The following KHDRBS2 variants were observed in gnomAD, a reference collection of about 807,000 sequenced individuals.
KHDRBS2 encodes KH RNA binding domain containing, signal transduction associated 2.
In KHDRBS2, 26 loss-of-function variants were observed where a neutral mutation model predicts 44.3. The ratio of observed to expected loss-of-function variants is 0.59; its 90% CI spans 0.43 to 0.81. The LOEUF is 0.81. KHDRBS2 is among the 40% of genes least tolerant of loss of function. The probability of loss-of-function intolerance (pLI) is 0.00; values close to 1 mark genes in which losing one functional copy is unlikely to be tolerated. For synonymous variants in KHDRBS2, 194 were observed against 151.1 expected (o/e 1.28, Z -2.08); for missense variants, 476 against 433.1 (o/e 1.10, Z -0.88).
Position 61,934,651 on chromosome 6 carries a change from A to G in KHDRBS2, c.484-33280T>C, listed in dbSNP as rs77217814. Among the ~76,000 whole-genome samples the G allele has an allele frequency of 9.8e-3, 1,486 of 152,316 alleles. 12 individuals are homozygous for G. Among genetic ancestry groups the G allele is most frequent in the Middle Eastern group, 0.02 (6 of 294 alleles). On this transcript the variant is annotated intron_variant, in intron 4 of 8. Coordinates refer to ENST00000281156, the MANE Select transcript of KHDRBS2 (RefSeq NM_152688.4). The stretch of plus-strand genomic sequence containing the variant: ...TAACAGAAAAATAGTTAAGAATGTC[A>G]TAATTTACTATATTAGAAACTAAAA...
intron 4 of KHDRBS2, among the ~76,000 whole-genome samples, chr6:61,975,190 G>T (rs1292866017): frequency 6.6e-6 from 1 of 152,074 alleles, no homozygotes; most frequent in African/African-American, 2.4e-5. Context: ...AGCAGGTTGA[G>T]TAAATTCTGG....
chr6:61,739,929 G>A (rs1775909662), intron 6 of KHDRBS2, among the ~76,000 whole-genome samples: 1 of 151,906 alleles, frequency 6.6e-6, no homozygotes, highest in South Asian at 2.1e-4. Context: ...TTCATTTAAA[G>A]TTGTGTAATT....
At chr6:61,922,965 T>C (rs1808323113) in intron 4 of KHDRBS2, among the ~76,000 whole-genome samples, 1 of 152,082 alleles carries the variant, frequency 6.6e-6, no homozygotes, top group Admixed American at 6.6e-5. Context: ...AATCAGCACA[T>C]GTAAATTGAC....
intron 8 of KHDRBS2, 117 bp downstream of exon 8, chr6:61,697,078 A>T: frequency 1.3e-6 from 1 of 747,378 alleles, no homozygotes; most frequent in Admixed American, 2.1e-5. Flanking sequence ...AATTACATGA[A>T]TCAATTTAGT....
At chr6:61,987,890 A>G (rs1775356623) in intron 3 of KHDRBS2, among the ~76,000 whole-genome samples, 1 of 152,126 alleles carries the variant, frequency 6.6e-6, no homozygotes, top group Admixed American at 6.6e-5. Context: ...GGCCATCCAT[A>G]CTCCAAATGG....
chr6:62,159,767 TAAAC>T (rs1299378510), intron 2 of KHDRBS2, among the ~76,000 whole-genome samples: 2 of 152,170 alleles, frequency 1.3e-5, no homozygotes, highest in Non-Finnish European at 2.9e-5. Flanking sequence ...GTAAGCTAGA[TAAAC>T]AAAATAAAAT....
chr6:61,655,650 CT>C, the KHDRBS2 span, among the ~76,000 whole-genome samples: 3 of 152,044 alleles, frequency 2.0e-5, no homozygotes, highest in Admixed American at 6.6e-5. Context: ...CAAAAAATTA[CT>C]TTTAATTTGG....
chr6:62,070,254 T>C (rs925266714), intron 2 of KHDRBS2, among the ~76,000 whole-genome samples: 1 of 151,784 alleles, frequency 6.6e-6, no homozygotes, highest in Non-Finnish European at 1.5e-5. Flanking sequence ...TATTGATATA[T>C]AGTTTTCTTT....
chr6:61,617,081 G>A, the KHDRBS2 span, among the ~76,000 whole-genome samples: 2 of 152,098 alleles, frequency 1.3e-5, no homozygotes, highest in Admixed American at 1.3e-4. Context: ...GGATGTAGAT[G>A]CAGATGCAAA....
intron 2 of KHDRBS2, among the ~76,000 whole-genome samples, chr6:62,110,946 T>C (rs1170077453): frequency 1.3e-5 from 2 of 152,112 alleles, no homozygotes; most frequent in Non-Finnish European, 2.9e-5. Context: ...AGCACTCATG[T>C]GTTAAAATTT....
chr6:61,693,170 TAATC>T (rs1024010444), intron 8 of KHDRBS2, among the ~76,000 whole-genome samples: 5 of 152,086 alleles, frequency 3.3e-5, no homozygotes, highest in African/African-American at 1.2e-4. Context: ...TTAATAAAAA[TAATC>T]AATTGATATT....
At chr6:61,722,711 T>A (rs553369860) in intron 7 of KHDRBS2, among the ~76,000 whole-genome samples, 1 of 134,570 alleles carries the variant, frequency 7.4e-6, no homozygotes, top group South Asian at 2.4e-4. Flanking sequence ...AATTATATAT[T>A]TCTATTTTTT....
chr6:61,571,068 C>A, the KHDRBS2 span, among the ~76,000 whole-genome samples: 223 of 151,818 alleles, frequency 1.5e-3, 4 homozygotes, highest in African/African-American at 5.2e-3. Context: ...TACCTCACAT[C>A]TCAATACAAA....
intron 6 of KHDRBS2, among the ~76,000 whole-genome samples, chr6:61,815,445 A>AT (rs1438663418): frequency 6.6e-6 from 1 of 152,124 alleles, no homozygotes; most frequent in Non-Finnish European, 1.5e-5. Flanking sequence ...TCCAAATGCC[A>AT]TTTTTTACCC....
At chr6:62,238,845 G>A (rs1430894792) in intron 1 of KHDRBS2, among the ~76,000 whole-genome samples, 2 of 152,040 alleles carry the variant, frequency 1.3e-5, no homozygotes, top group African/African-American at 4.8e-5. Context: ...CTTAGCTGGA[G>A]CAATAATGTG....
At chr6:61,748,500 C>T (rs1777184494) in intron 6 of KHDRBS2, among the ~76,000 whole-genome samples, 1 of 152,124 alleles carries the variant, frequency 6.6e-6, no homozygotes, top group Non-Finnish European at 1.5e-5. Context: ...TATTAAGTTT[C>T]ACATAAGATG....
At chr6:62,134,588 C>A (rs1811081529) in intron 2 of KHDRBS2, among the ~76,000 whole-genome samples, 1 of 152,088 alleles carries the variant, frequency 6.6e-6, no homozygotes. Context: ...GGTAGATCCA[C>A]CAACAGCTTG....
chr6:61,778,535 T>C (rs759518795), intron 6 of KHDRBS2, among the ~76,000 whole-genome samples: 4 of 152,052 alleles, frequency 2.6e-5, no homozygotes, highest in Non-Finnish European at 5.9e-5. Context: ...GAAAATAAAA[T>C]GGGCAGTTAA....
At position 62,193,275 on chromosome 6, in the gene KHDRBS2, C is replaced by T. The variant is rs553652604; in HGVS notation, c.92-15963G>A. 1.2e-4 allele frequency among the ~76,000 whole-genome samples: 18 copies of T among 151,984 alleles called. 1 individual carries two copies. The South Asian group carries it at 3.7e-3, about 32-fold the overall frequency. On this transcript the variant is annotated intron_variant, in intron 1 of 8. Coordinates refer to ENST00000281156, the MANE Select transcript of KHDRBS2 (RefSeq NM_152688.4). Reference sequence around the variant, plus strand: ...AGGTGTACCTGAAATCTTATATGGTCCCTTTGTTTTAGGTATATAGGCCAC... The same window carrying T: ...AGGTGTACCTGAAATCTTATATGGTTCCTTTGTTTTAGGTATATAGGCCAC...
Sources: allele counts gnomAD v4.1 joint callset (sites outside exome capture counted in the v4.1 genomes callset), GRCh38; gene constraint gnomAD v4.1.1; transcripts MANE v1.5; gene names NCBI Gene and HGNC (gene_info 2026-07-23, HGNC 2026-07-21).